Variants in RIC3 observed in about 807,000 individuals in gnomAD.
RIC3 encodes RIC3 acetylcholine receptor chaperone.
In RIC3, 28 loss-of-function variants were observed where a neutral mutation model predicts 27.3. The ratio of observed to expected loss-of-function variants is 1.02; its 90% CI spans 0.76 to 1.41. RIC3 has a LOEUF of 1.41. Among genes scored for constraint, RIC3 ranks in the 40% most tolerant of loss-of-function variants. RIC3 has a pLI of 0.00. For synonymous variants in RIC3, 184 were observed against 160.4 expected, an observed-to-expected ratio of 1.15 and a Z score of -1.11; for missense variants, 501 against 444.7, an observed-to-expected ratio of 1.13 and a Z score of -1.14.
intron 2 of RIC3, 142 bp from the exon 3 acceptor site, chr11:8,138,489 C>A (rs1287830913): frequency 1.5e-5 from 7 of 466,008 alleles, no homozygotes; most frequent in African/African-American, 6.2e-5. Context: ...AGAGAAATAG[C>A]TCAAAAAAAA....
At chr11:8,119,693 A>C (rs1946239457) in intron 5 of RIC3, among the ~76,000 whole-genome samples, 4 of 152,202 alleles carry the variant, frequency 2.6e-5, no homozygotes, top group Admixed American at 2.0e-4. Flanking sequence ...AAACAGACAA[A>C]TAGGATCTAA....
downstream of RIC3, chr11:8,101,728 G>A: frequency 6.8e-7 from 1 of 1,465,020 alleles, no homozygotes; most frequent in South Asian, 1.4e-5. Flanking sequence ...GCCAGATGAA[G>A]CTTTGGCCCT....
At chr11:8,126,918 G>A (rs1310214499) in intron 4 of RIC3, 111 bp from the exon 5 acceptor site, 3 of 1,249,830 alleles carry the variant, frequency 2.4e-6, no homozygotes, top group Non-Finnish European at 3.4e-6. Context: ...AATTGCAGCA[G>A]ATAATTATTC....
At chr11:8,111,285 A>C in intron 5 of RIC3, 148 bp from the exon 6 acceptor site, 1 of 642,684 alleles carries the variant, frequency 1.6e-6, no homozygotes, top group Non-Finnish European at 2.6e-6. Context: ...AATAGTTCTA[A>C]AGTTTTACTT....
At chr11:8,095,404 C>T in the RIC3 span, 3 of 1,351,988 alleles carry the variant, frequency 2.2e-6, no homozygotes, top group Non-Finnish European at 2.0e-6. Context: ...AGAGGGTTTC[C>T]CCACTCTTCC....
chr11:8,096,459 C>T, the RIC3 span, among the ~76,000 whole-genome samples: 1 of 152,082 alleles, frequency 6.6e-6, no homozygotes, highest in South Asian at 2.1e-4. Context: ...TGTGGCCAGC[C>T]CCGGCTCATG....
the RIC3 span, among the ~76,000 whole-genome samples, chr11:8,099,713 G>A: frequency 6.6e-6 from 1 of 152,222 alleles, no homozygotes; most frequent in Non-Finnish European, 1.5e-5. Flanking sequence ...GTAGGGGAGG[G>A]GAGATAAGAA....
Position 8,161,513 on chromosome 11 carries a change from C to T in RIC3, c.124+7353G>A, listed in dbSNP as rs1398932248. On this transcript the variant is annotated intron_variant, in intron 1 of 5. Coordinates refer to ENST00000309737, the MANE Select transcript of RIC3 (RefSeq NM_001206671.4). ...TCCCTCCAATCTATCCATTGATAACCTCTCTTGCTCTAATATCCATATTTT... is the reference window on the plus strand; with the variant it reads ...TCCCTCCAATCTATCCATTGATAACTTCTCTTGCTCTAATATCCATATTTT... Among the ~76,000 whole-genome samples, 3 of 152,158 alleles carry T rather than the reference C, an allele frequency of 2.0e-5. No individual in the cohort carries two copies. In the East Asian group the frequency reaches 5.8e-4, roughly 29 times the overall value.
chr11:8,138,196 C>T (rs941513234), intron 3 of RIC3, 76 bp downstream of exon 3: 12 of 1,029,470 alleles, frequency 1.2e-5, no homozygotes, highest in Non-Finnish European at 1.8e-5. Flanking sequence ...TTAAGACATA[C>T]CCACAGACTG....
intron 5 of RIC3, among the ~76,000 whole-genome samples, chr11:8,115,861 T>C (rs905121720): frequency 6.6e-6 from 1 of 152,154 alleles, no homozygotes; most frequent in African/African-American, 2.4e-5. Flanking sequence ...CTATCAAAAT[T>C]TCAATGACAA....
At chr11:8,114,874 T>C (rs572601401) in intron 5 of RIC3, among the ~76,000 whole-genome samples, 80 of 152,188 alleles carry the variant, frequency 5.3e-4, no homozygotes, top group African/African-American at 1.7e-3. Context: ...GCAGAACTGA[T>C]TGAGCAAAAG....
At chr11:8,100,144 G>C in the RIC3 span, among the ~76,000 whole-genome samples, 2 of 152,220 alleles carry the variant, frequency 1.3e-5, no homozygotes, top group Non-Finnish European at 2.9e-5. Context: ...AGAGAAGCTA[G>C]TGGTGAAAAG....
At chr11:8,134,263 G>C (rs1275582092) in intron 4 of RIC3, among the ~76,000 whole-genome samples, 1 of 152,092 alleles carries the variant, frequency 6.6e-6, no homozygotes, top group Non-Finnish European at 1.5e-5. Flanking sequence ...TTTTATCCTT[G>C]CAATAGTTTG....
intron 5 of RIC3, among the ~76,000 whole-genome samples, chr11:8,117,879 C>T (rs1300524331): frequency 1.3e-5 from 2 of 151,940 alleles, no homozygotes. Context: ...AATAATAACT[C>T]ATAAAACTGC....
chr11:8,101,209 A>G (rs985842309), downstream of RIC3, among the ~76,000 whole-genome samples: 8 of 152,260 alleles, frequency 5.3e-5, no homozygotes, highest in African/African-American at 1.2e-4. Context: ...CTGTGTATTC[A>G]ACGGAGTCTC....
intron 1 of RIC3, among the ~76,000 whole-genome samples, chr11:8,151,580 C>G (rs867484339): frequency 4.4e-5 from 2 of 45,798 alleles, no homozygotes; most frequent in African/African-American, 4.9e-4. Context: ...AGTGAAACTC[C>G]GTCTCAAAAA....
At chr11:8,141,567 A>G (rs374062178) in intron 1 of RIC3, among the ~76,000 whole-genome samples, 1 of 150,818 alleles carries the variant, frequency 6.6e-6, no homozygotes, top group Non-Finnish European at 1.5e-5. Context: ...AGACTCCCAC[A>G]CATTAATAAT....
At chr11:8,151,162 ACT>A (rs1950185369) in intron 1 of RIC3, among the ~76,000 whole-genome samples, 1 of 152,134 alleles carries the variant, frequency 6.6e-6, no homozygotes, top group Admixed American at 6.5e-5. Context: ...AAAATTTTAA[ACT>A]CTGGTGCTGC....
intron 5 of RIC3, 82 bp downstream of exon 5, chr11:8,126,577 T>A: frequency 1.3e-6 from 2 of 1,525,788 alleles, no homozygotes; most frequent in South Asian, 1.2e-5. Flanking sequence ...TATACCTCAA[T>A]AATGAAGCTG....
Sources: allele counts gnomAD v4.1 joint callset (sites outside exome capture counted in the v4.1 genomes callset), GRCh38; gene constraint gnomAD v4.1.1; transcripts MANE v1.5; gene names NCBI Gene and HGNC (gene_info 2026-07-23, HGNC 2026-07-21).